Variants in STYX observed in about 807,000 individuals in gnomAD.
STYX encodes serine/threonine/tyrosine-interacting protein.
STYX carries 20 observed loss-of-function variants against 42.7 expected under a neutral mutation model. That is an observed-to-expected ratio of 0.47 (90% CI 0.33 to 0.68). The LOEUF (loss-of-function observed/expected upper bound fraction) is 0.68. Ranked by LOEUF, STYX falls within the 30% of genes least tolerant of loss-of-function variation. The pLI is 0.02. For synonymous variants in STYX, 78 were observed against 81.9 expected, an observed-to-expected ratio of 0.95 and a Z score of 0.26; for missense variants, 226 against 268.5, an observed-to-expected ratio of 0.84 and a Z score of 1.11.
intron 9 of STYX, among the ~76,000 whole-genome samples, chr14:52,763,353 A>G (rs1566679784): frequency 6.6e-6 from 1 of 151,972 alleles, no homozygotes; most frequent in Non-Finnish European, 1.5e-5. Context: ...TGGTTAGTCC[A>G]TGTTGTTTTT....
Position 52,733,236 on chromosome 14 carries a change from C to CT in STYX, c.57+2706dup, listed in dbSNP as rs142944671. Among the ~76,000 whole-genome samples, 190 of 152,290 alleles carry CT rather than the reference C, an allele frequency of 1.2e-3. No individual in the cohort carries two copies. The East Asian group carries it at 0.035, about 28-fold the overall frequency. On this transcript the variant is annotated intron_variant, in intron 1 of 10. Coordinates refer to ENST00000354586, the MANE Select transcript of STYX (RefSeq NM_145251.4). ...AATTTTCCCGGACTTTGCATTTAATCTGTTACTGTGTATATCATTATGTAT... is the reference window on the plus strand; with the variant it reads ...AATTTTCCCGGACTTTGCATTTAATCTTGTTACTGTGTATATCATTATGTAT...
At chr14:52,730,889 C>T (rs879675879) in intron 1 of STYX, among the ~76,000 whole-genome samples, 3 of 152,184 alleles carry the variant, frequency 2.0e-5, no homozygotes, top group Non-Finnish European at 2.9e-5. Context: ...GTGGTGTAAA[C>T]GATTCACTTG....
At chr14:52,765,022 C>T (rs927924288) in intron 9 of STYX, among the ~76,000 whole-genome samples, 2 of 152,092 alleles carry the variant, frequency 1.3e-5, no homozygotes, top group Non-Finnish European at 2.9e-5. Context: ...GTTCCAGTGT[C>T]TTTATTAAAC....
intron 1 of STYX, among the ~76,000 whole-genome samples, chr14:52,735,339 C>T (rs1168906498): frequency 6.6e-6 from 1 of 152,102 alleles, no homozygotes; most frequent in East Asian, 1.9e-4. Flanking sequence ...AATTCATGTT[C>T]CCACACTTTG....
chr14:52,750,403 T>A (rs1259150699), intron 3 of STYX, among the ~76,000 whole-genome samples: 1 of 152,206 alleles, frequency 6.6e-6, no homozygotes, highest in Non-Finnish European at 1.5e-5. Context: ...TCCCAGGTGC[T>A]ATGCCAAACA....
rs754343715 is a variant in STYX at position 52,746,475 on chromosome 14, G to A, written c.140G>A (p.Ser47Asn). 13 of 1,552,758 alleles carry A rather than the reference G, an allele frequency of 8.4e-6. No homozygotes were observed. Among genetic ancestry groups the A allele is most frequent in the Non-Finnish European group, 1.0e-5 (12 of 1,160,594 alleles). Residue 47 changes from serine to asparagine, a missense_variant, in exon 3 of 11, where the codon AGC becomes AAC. Coordinates refer to ENST00000354586, the MANE Select transcript of STYX (RefSeq NM_145251.4). ...GGCCCATATTCATCTGCTATGAAAA[G>A]CAAGGTATGAACTTTGTTAGATTCA... ...FLGPYSSAMK[S>N]KLPVLQKHGI...
At chr14:52,755,265 G>A (rs1169591945) in intron 4 of STYX, among the ~76,000 whole-genome samples, 1 of 152,018 alleles carries the variant, frequency 6.6e-6, no homozygotes, top group Non-Finnish European at 1.5e-5. Flanking sequence ...TGGGATTACA[G>A]GTGTGCACCA....
intron 3 of STYX, among the ~76,000 whole-genome samples, chr14:52,749,050 A>G (rs1881504239): frequency 6.6e-6 from 1 of 152,262 alleles, no homozygotes. Context: ...TACCATAGAC[A>G]GGGTGGCTTA....
intron 4 of STYX, among the ~76,000 whole-genome samples, chr14:52,755,171 G>A (rs373920627): frequency 6.9e-6 from 1 of 145,680 alleles, no homozygotes; most frequent in Non-Finnish European, 1.5e-5. Flanking sequence ...CACCCAGGCT[G>A]GAGTGCAGTG....
Position 52,770,936 on chromosome 14 carries a change from G to A in STYX, c.599-97G>A, listed in dbSNP as rs1028971925. On this transcript the variant is annotated intron_variant, in intron 10 of 10. Coordinates refer to ENST00000354586, the MANE Select transcript of STYX (RefSeq NM_145251.4). ...ATATCAGTTGTGGAATTTTCATAGTGTATACATGATCACTTAATAACAAAA... is the reference window on the plus strand; with the variant it reads ...ATATCAGTTGTGGAATTTTCATAGTATATACATGATCACTTAATAACAAAA... The A allele has an allele frequency of 7.9e-5, 80 of 1,015,862 alleles. 1 individual carries two copies. The Admixed American group carries it at 9.9e-4, about 13-fold the overall frequency. 62.9% of individuals were successfully genotyped at this position (1,015,862 alleles called of 1,614,324 possible).
At chr14:52,730,564 C>T in intron 1 of STYX, 33 bp downstream of exon 1, 2 of 1,608,758 alleles carry the variant, frequency 1.2e-6, no homozygotes, top group Non-Finnish European at 1.7e-6. Context: ...ACGCACAGGC[C>T]TCTCCCTGTG....
intron 4 of STYX, among the ~76,000 whole-genome samples, chr14:52,751,012 AAG>A (rs1404729157): frequency 6.6e-6 from 1 of 152,158 alleles, no homozygotes; most frequent in Non-Finnish European, 1.5e-5. Context: ...AAAAATAAAA[AAG>A]AATTTAAAAA....
At chr14:52,752,596 A>G (rs1881664877) in intron 4 of STYX, among the ~76,000 whole-genome samples, 1 of 152,238 alleles carries the variant, frequency 6.6e-6, no homozygotes, top group Non-Finnish European at 1.5e-5. Flanking sequence ...GTAACCATGA[A>G]AAAGAATGAA....
intron 9 of STYX, among the ~76,000 whole-genome samples, chr14:52,761,766 C>T (rs1039344126): frequency 8.2e-5 from 12 of 146,592 alleles, no homozygotes; most frequent in African/African-American, 2.7e-4. Flanking sequence ...ATGGGATGGC[C>T]GGGTGTGGTG....
chr14:52,738,973 CTT>C (rs35897313), intron 1 of STYX, among the ~76,000 whole-genome samples: 4 of 145,512 alleles, frequency 2.7e-5, no homozygotes, highest in Admixed American at 6.9e-5. Context: ...CTAAATATCA[CTT>C]TTTTTTTTTT....
At chr14:52,745,348 C>G (rs1401709420) in intron 2 of STYX, among the ~76,000 whole-genome samples, 1 of 152,100 alleles carries the variant, frequency 6.6e-6, no homozygotes, top group Non-Finnish European at 1.5e-5. Flanking sequence ...CACTCCTGAC[C>G]TCAGGTGATC....
chr14:52,760,831 G>A (rs1354373310), intron 9 of STYX, among the ~76,000 whole-genome samples: 1 of 147,844 alleles, frequency 6.8e-6, no homozygotes, highest in Non-Finnish European at 1.5e-5. Flanking sequence ...TCTTTTTTTT[G>A]TGGATACATA....
chr14:52,740,771 G>A lies in STYX; in HGVS notation c.58-4081G>A, dbSNP rs1276751223. ...TGTCTAGTTGATCTTTTTTAATAAA[G>A]GTAAAATTTATATAGTGTAATGTAC... is the stretch of plus-strand genomic sequence containing the variant. On this transcript the variant is annotated intron_variant, in intron 1 of 10. Transcript: ENST00000354586. Among the ~76,000 whole-genome samples, 2 of 152,042 alleles carry A rather than the reference G, an allele frequency of 1.3e-5. 1 individual carries two copies. Among genetic ancestry groups the A allele is most frequent in the East Asian group, 3.9e-4 (2 of 5,192 alleles).
intron 1 of STYX, among the ~76,000 whole-genome samples, chr14:52,738,198 A>G (rs571320099): frequency 5.6e-4 from 86 of 152,366 alleles, no homozygotes; most frequent in African/African-American, 2.0e-3. Context: ...CTTTTCTGTG[A>G]GAGAAAGCTT....
Sources: gnomAD v4.1 joint callset for allele counts (sites outside exome capture counted in the v4.1 genomes callset) on GRCh38, gnomAD v4.1.1 for gene constraint, MANE v1.5 for transcripts, NCBI Gene and HGNC (gene_info 2026-07-23, HGNC 2026-07-21) for gene names.